Variants in TAX1BP1 observed in about 807,000 individuals in gnomAD.
TAX1BP1 encodes the protein Tax1 binding protein 1.
In TAX1BP1, 62 loss-of-function variants were observed where a neutral mutation model predicts 97.7. The ratio of observed to expected loss-of-function variants is 0.63; its 90% CI spans 0.52 to 0.78. The LOEUF is 0.78. Among genes scored for constraint, TAX1BP1 ranks in the 30% least tolerant of loss-of-function variants. The probability of loss-of-function intolerance (pLI) is 0.00; values close to 1 mark genes in which losing one functional copy is unlikely to be tolerated. For missense variants in TAX1BP1, 867 were observed against 916.1 expected (o/e 0.95, Z 0.69); for synonymous variants, 340 against 304.2 (o/e 1.12, Z -1.23).
intron 5 of TAX1BP1, among the ~76,000 whole-genome samples, chr7:27,779,431 C>CA (rs1202516150): frequency 2.6e-5 from 4 of 152,186 alleles, no homozygotes; most frequent in East Asian, 1.9e-4. Context: ...AGTATCATAG[C>CA]AGTGTTTGAA....
intron 13 of TAX1BP1, among the ~76,000 whole-genome samples, chr7:27,812,010 T>C (rs534944691): frequency 6.6e-6 from 1 of 152,354 alleles, no homozygotes; most frequent in South Asian, 2.1e-4. Flanking sequence ...CTTGAGTAGA[T>C]ACCTAGGAGT....
At chr7:27,759,477 A>T (rs1204928667) in intron 3 of TAX1BP1, among the ~76,000 whole-genome samples, 1 of 152,154 alleles carries the variant, frequency 6.6e-6, no homozygotes, top group Non-Finnish European at 1.5e-5. Context: ...TAAAAATATA[A>T]TGTTTTTCTC....
intron 3 of TAX1BP1, among the ~76,000 whole-genome samples, chr7:27,762,514 T>C (rs752894208): frequency 6.6e-6 from 1 of 152,094 alleles, no homozygotes; most frequent in Non-Finnish European, 1.5e-5. Flanking sequence ...GTGGGCAACA[T>C]AGTGAGACTC....
intron 2 of TAX1BP1, among the ~76,000 whole-genome samples, chr7:27,752,935 G>T (rs1788076744): frequency 6.6e-6 from 1 of 152,202 alleles, no homozygotes; most frequent in Admixed American, 6.5e-5. Context: ...CAACAGAGTT[G>T]CTAATAAGTT....
intron 1 of TAX1BP1, among the ~76,000 whole-genome samples, chr7:27,743,767 A>ATTTTTTTTTTTT: frequency 9.5e-5 from 1 of 10,472 alleles, no homozygotes; most frequent in Non-Finnish European, 1.5e-4. Flanking sequence ...TAGTATCTTT[A>ATTTTTTTTTTTT]TTTTTTTTTT....
intron 13 of TAX1BP1, among the ~76,000 whole-genome samples, chr7:27,800,957 A>G (rs1790110978): frequency 6.6e-6 from 1 of 152,076 alleles, no homozygotes; most frequent in Admixed American, 6.6e-5. Context: ...ACAAAAAATT[A>G]GCCAGGCGTG....
At chr7:27,775,674 G>A (rs918787383) in intron 5 of TAX1BP1, among the ~76,000 whole-genome samples, 2 of 152,086 alleles carry the variant, frequency 1.3e-5, no homozygotes, top group Non-Finnish European at 2.9e-5. Flanking sequence ...TTGGTATGAG[G>A]TAGTAGTAGC....
intron 1 of TAX1BP1, among the ~76,000 whole-genome samples, chr7:27,741,655 C>T (rs1273408050): frequency 6.6e-6 from 1 of 152,144 alleles, no homozygotes; most frequent in Non-Finnish European, 1.5e-5. Flanking sequence ...CGCGCACCAC[C>T]ACACTGAAGG....
intron 13 of TAX1BP1, among the ~76,000 whole-genome samples, chr7:27,809,802 C>G (rs181344330): frequency 2.0e-5 from 3 of 152,076 alleles, no homozygotes; most frequent in Non-Finnish European, 4.4e-5. Flanking sequence ...AAACCCTTGA[C>G]TCTATTTCAG....
At chr7:27,809,032 G>A (rs764140890) in intron 13 of TAX1BP1, among the ~76,000 whole-genome samples, 8 of 150,942 alleles carry the variant, frequency 5.3e-5, no homozygotes, top group Admixed American at 2.6e-4. Context: ...ACACATTATT[G>A]TAGTTATCAA....
chr7:27,785,223 A>G lies in TAX1BP1; in HGVS notation c.673A>G (p.Ser225Gly). The change falls in exon 6 of 17, where the codon AGT becomes GGT. Residue 225 changes from serine (S) to glycine (G), a missense_variant. Ser to Gly is a moderately conservative substitution (Grantham distance 56, BLOSUM62 0). This residue lies in a region of TAX1BP1 where 822 missense variants were observed against 851.4 expected (regional missense o/e 0.97). Coordinates refer to ENST00000396319, the MANE Select transcript of TAX1BP1 (RefSeq NM_006024.7). ...MENEEFKKRF[S>G]DATSKAHQLE... is the part of the protein sequence containing the mutation. ...AAATGAAGAGTTTAAGAAGAGGTTC[A>G]GTGATGCTACATCCAAAGCCCATCA... 1 of 1,613,414 alleles carries G rather than the reference A, an allele frequency of 6.2e-7. No individual in the cohort carries two copies. Among genetic ancestry groups the G allele is most frequent in the South Asian group, 1.1e-5 (1 of 90,990 alleles).
chr7:27,752,467 G>C (rs1404570514), intron 2 of TAX1BP1, among the ~76,000 whole-genome samples: 3 of 152,198 alleles, frequency 2.0e-5, no homozygotes, highest in African/African-American at 7.2e-5. Flanking sequence ...AGAAGTGGCT[G>C]TCATTCAAAT....
At chr7:27,792,516 G>A (rs1789758753) in intron 9 of TAX1BP1, among the ~76,000 whole-genome samples, 1 of 152,164 alleles carries the variant, frequency 6.6e-6, no homozygotes, top group Non-Finnish European at 1.5e-5. Flanking sequence ...CTTACTAGCT[G>A]TATAAAACAG....
chr7:27,740,991 A>T (rs1434364025), intron 1 of TAX1BP1, among the ~76,000 whole-genome samples: 1 of 152,172 alleles, frequency 6.6e-6, no homozygotes, highest in Admixed American at 6.5e-5. Context: ...CGTACACCTT[A>T]TTAGTAAAAA....
chr7:27,749,153 A>G (rs998793688), intron 2 of TAX1BP1, among the ~76,000 whole-genome samples: 2 of 152,206 alleles, frequency 1.3e-5, no homozygotes, highest in African/African-American at 4.8e-5. Context: ...GTTTTAAAGT[A>G]TTCTGTTTAA....
chr7:27,795,026 G>T (rs1032640543), intron 11 of TAX1BP1, among the ~76,000 whole-genome samples: 2 of 152,122 alleles, frequency 1.3e-5, no homozygotes, highest in Non-Finnish European at 2.9e-5. Context: ...TGAAAACTTG[G>T]ATTAACTAGG....
chr7:27,768,990 T>C (rs1788743937), intron 4 of TAX1BP1, among the ~76,000 whole-genome samples: 2 of 152,048 alleles, frequency 1.3e-5, no homozygotes, highest in South Asian at 2.1e-4. Flanking sequence ...TACTATCTTA[T>C]GACCATTTAT....
intron 15 of TAX1BP1, among the ~76,000 whole-genome samples, chr7:27,821,476 C>A (rs1790970767): frequency 1.3e-5 from 2 of 151,160 alleles, no homozygotes; most frequent in African/African-American, 4.9e-5. Flanking sequence ...ACTAAAAATA[C>A]AAAAAAAATT....
rs186159400 is a variant in TAX1BP1 at position 27,744,404 on chromosome 7, C to T, written c.-7-4114C>T. 6.0e-3 allele frequency among the ~76,000 whole-genome samples: 920 copies of T among 152,312 alleles called. 9 individuals carry two copies. The highest frequency in any genetic ancestry group is 0.017 in the African/African-American group (726 of 41,568). ...CCTCCCAAAGTGCTGGGATTACAGG[C>T]GTGAGCCACCGCACCCGGCCTAGTT... On this transcript the variant is annotated intron_variant, in intron 1 of 16. Coordinates refer to ENST00000396319, the MANE Select transcript of TAX1BP1 (RefSeq NM_006024.7).
Sources: gnomAD v4.1 joint callset for allele counts (sites outside exome capture counted in the v4.1 genomes callset) on GRCh38, gnomAD v4.1.1 for gene constraint, gnomAD v4.1.1 regional missense constraint, MANE v1.5 for transcripts, NCBI Gene and HGNC (gene_info 2026-07-23, HGNC 2026-07-21) for gene names.